TLN2: variants seen among roughly 807,000 people sequenced by gnomAD.
TLN2 encodes talin 2, also known as talin-2.
Under a neutral mutation model 294.7 loss-of-function variants are expected in TLN2, and 118 were observed. The ratio of observed to expected loss-of-function variants is 0.40; its 90% CI spans 0.34 to 0.47. The LOEUF is 0.47. Among genes scored for constraint, TLN2 ranks in the 20% least tolerant of loss-of-function variants. TLN2 has a pLI of 0.84. For missense variants in TLN2, 3,083 were observed against 3,282.2 expected, an observed-to-expected ratio of 0.94 and a Z score of 1.48; for synonymous variants, 1,431 against 1,304.5, an observed-to-expected ratio of 1.10 and a Z score of -2.09.
rs1392135849 is a variant in TLN2 at position 62,824,144 on chromosome 15, A to ATC, written c.7002+3536_7002+3537dup. ...TGGAGCACTCATTACAATTCATGTT[A>ATC]TCTTCCATTTCTTCTTATAGCATTT... On this transcript the variant is annotated intron_variant, in intron 54 of 58. Transcript: ENST00000636159. 11 of 352,032 alleles carry ATC rather than the reference A, an allele frequency of 3.1e-5. No individual in the cohort carries two copies. In the East Asian group the frequency reaches 8.8e-4, roughly 28 times the overall value. The allele number at this position is 352,032 out of a possible 1,614,324, so 21.8% of individuals were successfully genotyped here.
intron 51 of TLN2, among the ~76,000 whole-genome samples, chr15:62,807,187 C>T (rs1446406484): frequency 6.6e-6 from 1 of 152,070 alleles, no homozygotes; most frequent in Non-Finnish European, 1.5e-5. Context: ...CAGTGGAGTC[C>T]ACCTACCATA....
intron 1 of TLN2, among the ~76,000 whole-genome samples, chr15:62,393,464 G>A (rs1469051845): frequency 6.6e-6 from 1 of 152,156 alleles, no homozygotes; most frequent in Non-Finnish European, 1.5e-5. Flanking sequence ...AGGTGAGTAT[G>A]TTATTTTCTA....
intron 1 of TLN2, among the ~76,000 whole-genome samples, chr15:62,445,538 A>G (rs1223075475): frequency 6.6e-6 from 1 of 152,246 alleles, no homozygotes; most frequent in Non-Finnish European, 1.5e-5. Context: ...GTATAAGTAA[A>G]CATAAATGTA....
chr15:62,639,230 G>GATCTATATCTATATCTAT (rs58437592), intron 3 of TLN2, among the ~76,000 whole-genome samples: 6 of 83,532 alleles, frequency 7.2e-5, no homozygotes, highest in African/African-American at 3.2e-4. Context: ...CTAGGTTATA[G>GATCTATATCTATATCTAT]ATCTATATCT....
At chr15:62,642,766 C>G (rs2051290958) in intron 3 of TLN2, among the ~76,000 whole-genome samples, 1 of 150,720 alleles carries the variant, frequency 6.6e-6, no homozygotes, top group African/African-American at 2.4e-5. Flanking sequence ...GGCACAATCT[C>G]TGCTCATTGC....
Position 62,708,624 on chromosome 15 carries a change from G to A in TLN2, c.2295G>A (p.Glu765=). The A allele has an allele frequency of 6.2e-7, 1 of 1,614,242 alleles. No homozygotes were observed. The highest frequency in any genetic ancestry group is 8.5e-7 in the Non-Finnish European group (1 of 1,180,044). The change falls in exon 21 of 59, where the codon GAG becomes GAA. Residue 765 remains glutamate (E), a synonymous_variant. Transcript: ENST00000636159. The part of the protein sequence containing the change: ...RACQAATTDS[E]LLKQVSAAAS... ...GCCAGGCGGCCACTACCGATAGTGA[G>A]CTCCTGAAGCAGGTCAGCGCAGCGG...
At chr15:62,436,409 C>T (rs1038686113) in intron 1 of TLN2, among the ~76,000 whole-genome samples, 2 of 152,266 alleles carry the variant, frequency 1.3e-5, no homozygotes, top group South Asian at 2.1e-4. Context: ...AGGCAGAGGG[C>T]GATCAGGGAA....
intron 3 of TLN2, among the ~76,000 whole-genome samples, chr15:62,641,057 C>T (rs2051025673): frequency 6.6e-6 from 1 of 151,924 alleles, no homozygotes; most frequent in Non-Finnish European, 1.5e-5. Flanking sequence ...CCACCTCAGC[C>T]TCCCAAAGTA....
chr15:62,564,921 A>ATATATATAT (rs1160315259), intron 1 of TLN2, among the ~76,000 whole-genome samples: 20 of 113,190 alleles, frequency 1.8e-4, no homozygotes, highest in Non-Finnish European at 2.6e-4. Context: ...AAAAAAAAAA[A>ATATATATAT]AAAAATATAT....
Position 62,499,968 on chromosome 15 carries a change from A to G in TLN2, c.-237-89719A>G, listed in dbSNP as rs536186355. 1.2e-4 allele frequency among the ~76,000 whole-genome samples: 19 copies of G among 152,304 alleles called. No individual in the cohort carries two copies. In the Middle Eastern group the frequency reaches 0.01, roughly 82 times the overall value. On this transcript the variant is annotated intron_variant, in intron 1 of 58. Transcript: ENST00000636159. ...AACAAACAAACAAAAAAAACAGTCA[A>G]AATTACAATTCAGGTGAGGGAGGAG...
intron 1 of TLN2, among the ~76,000 whole-genome samples, chr15:62,555,595 T>C (rs1390865602): frequency 6.6e-6 from 1 of 152,236 alleles, no homozygotes; most frequent in Non-Finnish European, 1.5e-5. Flanking sequence ...ATACTTGATA[T>C]TCTTTGTCTC....
chr15:62,759,465 A>G (rs1042726040), intron 37 of TLN2, among the ~76,000 whole-genome samples: 4 of 152,206 alleles, frequency 2.6e-5, no homozygotes, highest in African/African-American at 7.2e-5. Flanking sequence ...CCCTGTCTTT[A>G]TTCTAATAGT....
chr15:62,804,517 TAG>T (rs1274679560), intron 50 of TLN2, among the ~76,000 whole-genome samples: 2 of 152,160 alleles, frequency 1.3e-5, no homozygotes, highest in East Asian at 3.9e-4. Context: ...AGACTCACTT[TAG>T]CCCAGGAGGT....
rs977402456 is a variant in TLN2, at chr15:62,679,047, T to A, written c.957+3726T>A. ...TACCAAGTCTTTTTTTTTTTTTTTT[T>A]ACTTTTTACTTGGAAATTATTACAG... On this transcript the variant is annotated intron_variant, in intron 11 of 58. Coordinates refer to ENST00000636159, the MANE Select transcript of TLN2 (RefSeq NM_015059.3). Among the ~76,000 whole-genome samples the A allele has an allele frequency of 5.7e-4, 72 of 125,490 alleles. 1 individual carries two copies. The highest frequency in any genetic ancestry group is 1.9e-3 in the African/African-American group (69 of 36,506). The allele number at this position is 125,490 out of a possible 152,430, so 82.3% of individuals were successfully genotyped here.
chr15:62,427,426 C>G (rs1161254681), intron 1 of TLN2, among the ~76,000 whole-genome samples: 1 of 152,130 alleles, frequency 6.6e-6, no homozygotes, highest in Non-Finnish European at 1.5e-5. Context: ...GTGTCCTCCA[C>G]TTGCTGAGTG....
At chr15:62,480,139 G>C (rs924583239) in intron 1 of TLN2, among the ~76,000 whole-genome samples, 4 of 152,198 alleles carry the variant, frequency 2.6e-5, no homozygotes, top group Admixed American at 6.5e-5. Context: ...GAGCAGGTGG[G>C]TGGAAGGTGT....
At chr15:62,732,181 G>A (rs1026006483) in intron 28 of TLN2, among the ~76,000 whole-genome samples, 9 of 152,184 alleles carry the variant, frequency 5.9e-5, no homozygotes, top group Non-Finnish European at 4.4e-5. Context: ...ACACTTTCCC[G>A]AAATCTTGCC....
intron 2 of TLN2, among the ~76,000 whole-genome samples, chr15:62,605,198 A>G (rs1042204060): frequency 6.6e-6 from 1 of 152,220 alleles, no homozygotes; most frequent in Non-Finnish European, 1.5e-5. Flanking sequence ...GAGGTGAATT[A>G]CAGTGTAGGT....
At chr15:62,728,363 T>C (rs1881423269) in intron 28 of TLN2, among the ~76,000 whole-genome samples, 1 of 152,368 alleles carries the variant, frequency 6.6e-6, no homozygotes, top group South Asian at 2.1e-4. Context: ...AGCTATTCTT[T>C]ATGCTGTTCT....
Sources: allele counts gnomAD v4.1 joint callset (sites outside exome capture counted in the v4.1 genomes callset), GRCh38; gene constraint gnomAD v4.1.1; transcripts MANE v1.5; gene names NCBI Gene and HGNC (gene_info 2026-07-23, HGNC 2026-07-21).